The following WDR12 variants were observed in gnomAD, a reference collection of about 807,000 sequenced individuals.
The protein encoded by WDR12 is WD repeat domain 12.
A neutral mutation model predicts 64.3 loss-of-function variants in WDR12; 42 were observed. That is an observed-to-expected ratio of 0.65 (90% CI 0.51 to 0.84). WDR12 has a LOEUF of 0.84. WDR12 is among the 40% of genes least tolerant of loss of function. The probability of loss-of-function intolerance (pLI) is 0.00; values close to 1 mark genes in which losing one functional copy is unlikely to be tolerated. For synonymous variants in WDR12, 158 were observed against 173.3 expected (o/e 0.91, Z 0.70); for missense variants, 469 against 494.6 (o/e 0.95, Z 0.49).
At chr2:202,900,238 A>G (rs1353943363) in intron 3 of WDR12, among the ~76,000 whole-genome samples, 1 of 152,018 alleles carries the variant, frequency 6.6e-6, no homozygotes, top group African/African-American at 2.4e-5. Flanking sequence ...CTGAGGCGCA[A>G]GAATCATTTG....
chr2:202,903,504 T>TGAGGGAGG, intron 2 of WDR12, among the ~76,000 whole-genome samples: 1 of 29,630 alleles, frequency 3.4e-5, no homozygotes, highest in African/African-American at 1.3e-4. Flanking sequence ...AGGAAGGAAG[T>TGAGGGAGG]GAGGGAGGGA....
At chr2:202,891,449 C>T (rs1366371641) in intron 8 of WDR12, among the ~76,000 whole-genome samples, 1 of 152,182 alleles carries the variant, frequency 6.6e-6, no homozygotes, top group African/African-American at 2.4e-5. Flanking sequence ...CACAGTTGGC[C>T]TCCATTTCTA....
intron 8 of WDR12, among the ~76,000 whole-genome samples, chr2:202,891,499 T>C (rs2105906183): frequency 6.6e-6 from 1 of 152,340 alleles, no homozygotes; most frequent in East Asian, 1.9e-4. Context: ...GTTGAGTAAG[T>C]GCCAGATCTT....
chr2:202,896,237 C>T lies in WDR12; in HGVS notation c.455-18G>A. 6.2e-7 allele frequency: 1 copy of T among 1,608,626 alleles called. No homozygotes were observed. Among genetic ancestry groups the T allele is most frequent in the South Asian group, 1.1e-5 (1 of 90,022 alleles). On this transcript the variant is annotated intron_variant, in intron 5 of 12. Coordinates refer to ENST00000261015, the MANE Select transcript of WDR12 (RefSeq NM_018256.4). ...CAAACTATCTGGAGAAAGGAGAACA[C>T]AAGAATAAGAAACAAATCAGTATAC...
Position 202,884,392 on chromosome 2 carries a change from T to TA in WDR12, c.882+2dup. On this transcript the variant is annotated splice_region_variant and intron_variant, in intron 9 of 12. Coordinates refer to ENST00000261015, the MANE Select transcript of WDR12 (RefSeq NM_018256.4). ...ACTTAAAAGAACACTGAATTTGTCT[T>TA]ACCAAAGTTGACTTAAGACTGCCAG... The TA allele has an allele frequency of 1.2e-6, 2 of 1,614,070 alleles. No individual in the cohort carries two copies. The highest frequency in any genetic ancestry group is 8.5e-7 in the Non-Finnish European group (1 of 1,180,014).
At chr2:202,883,577 T>C (rs777796307) in intron 11 of WDR12, 32 bp downstream of exon 11, 4 of 1,595,890 alleles carry the variant, frequency 2.5e-6, no homozygotes, top group African/African-American at 1.3e-5. Context: ...GTAATTGATA[T>C]GTTTCTCTTA....
At chr2:202,881,322 A>C (rs1397407325) in intron 12 of WDR12, among the ~76,000 whole-genome samples, 2 of 152,230 alleles carry the variant, frequency 1.3e-5, no homozygotes, top group African/African-American at 4.8e-5. Context: ...ATTTGGAAAG[A>C]ATTCTTAGGC....
intron 2 of WDR12, among the ~76,000 whole-genome samples, chr2:202,905,974 T>A (rs1430753176): frequency 6.6e-6 from 1 of 152,200 alleles, no homozygotes; most frequent in Non-Finnish European, 1.5e-5. Flanking sequence ...CACAACTGGA[T>A]GACTATAGTC....
intron 5 of WDR12, 127 bp downstream of exon 5, chr2:202,897,173 A>G (rs898577212): frequency 1.8e-6 from 1 of 562,150 alleles, no homozygotes; most frequent in Non-Finnish European, 3.2e-6. Flanking sequence ...GTATTTTTTG[A>G]AAGACCTCAT....
rs1386913578 is a variant in WDR12 at position 202,896,220 on chromosome 2, C to T, written c.455-1G>A. 1.2e-6 allele frequency: 2 copies of T among 1,612,762 alleles called. No individual in the cohort carries two copies. Among genetic ancestry groups the T allele is most frequent in the Non-Finnish European group, 1.7e-6 (2 of 1,179,604 alleles). On this transcript the variant is annotated splice_acceptor_variant, in intron 5 of 12. Coordinates refer to ENST00000261015, the MANE Select transcript of WDR12 (RefSeq NM_018256.4). LOFTEE classifies it high-confidence loss of function. Reference sequence around the variant, plus strand: ...CTCAATAATAAGCAGGACAAACTATCTGGAGAAAGGAGAACACAAGAATAA... The same window carrying T: ...CTCAATAATAAGCAGGACAAACTATTTGGAGAAAGGAGAACACAAGAATAA...
intron 3 of WDR12, among the ~76,000 whole-genome samples, chr2:202,900,251 C>G (rs112436475): frequency 2.1e-4 from 32 of 151,502 alleles, no homozygotes; most frequent in African/African-American, 7.5e-4. Context: ...ATCATTTGTA[C>G]CCAGGAGGTA....
chr2:202,893,355 T>C (rs1329445711), intron 7 of WDR12, among the ~76,000 whole-genome samples: 3 of 152,120 alleles, frequency 2.0e-5, no homozygotes, highest in African/African-American at 7.2e-5. Context: ...TGGATATTAA[T>C]ATTTCTCAAA....
rs1028875907 is a variant in WDR12 at position 202,875,962 on chromosome 2, T to C, written c.*4898A>G. 1.3e-5 allele frequency: 2 copies of C among 152,198 alleles called. No individual in the cohort carries two copies. The highest frequency in any genetic ancestry group is 2.9e-5 in the Non-Finnish European group (2 of 68,032). 9.4% of individuals were successfully genotyped at this position (152,198 alleles called of 1,614,324 possible). ...TAGGATATAGTTTCATTGTTACTTTTATGGACACTGTAAGAAAATAATTTA... is the reference window on the plus strand; with the variant it reads ...TAGGATATAGTTTCATTGTTACTTTCATGGACACTGTAAGAAAATAATTTA... On this transcript the variant is annotated 3_prime_UTR_variant, in exon 13 of 13. Transcript: ENST00000261015.
rs780458602 is a variant in WDR12 at position 202,911,431 on chromosome 2, C to T, written c.41+5G>A. On this transcript the variant is annotated splice_donor_5th_base_variant and intron_variant, in intron 1 of 12. Transcript: ENST00000261015. ...AAGGGAGAGAAGGCTGGAACGCTTA[C>T]TTACTTCTTGTTATCAGTGTAGAAG... The T allele has an allele frequency of 6.2e-7, 1 of 1,614,094 alleles. No individual in the cohort carries two copies. Among genetic ancestry groups the T allele is most frequent in the Admixed American group, 1.7e-5 (1 of 60,018 alleles).
At chr2:202,897,453 GTTTTTCC>G in intron 4 of WDR12, 38 bp from the exon 5 acceptor site, 1 of 1,223,072 alleles carries the variant, frequency 8.2e-7, no homozygotes, top group Non-Finnish European at 1.1e-6. Flanking sequence ...ACAAAAAGCA[GTTTTTCC>G]AAACCCTGAA....
At chr2:202,904,678 G>A (rs1688422560) in intron 2 of WDR12, among the ~76,000 whole-genome samples, 1 of 152,134 alleles carries the variant, frequency 6.6e-6, no homozygotes, top group Non-Finnish European at 1.5e-5. Context: ...AAACAAAAGG[G>A]ATTAAAGACT....
chr2:202,910,857 T>C (rs1028398139), intron 1 of WDR12, among the ~76,000 whole-genome samples: 4 of 151,900 alleles, frequency 2.6e-5, no homozygotes, highest in Non-Finnish European at 5.9e-5. Context: ...ACACGACAAA[T>C]ATTATCATTT....
intron 4 of WDR12, 127 bp from the exon 5 acceptor site, chr2:202,897,542 G>C: frequency 2.1e-6 from 1 of 485,360 alleles, no homozygotes; most frequent in Non-Finnish European, 3.5e-6. Flanking sequence ...TGAAGATTGA[G>C]ATTTCAAGCC....
chr2:202,901,404 A>G (rs753082364), intron 2 of WDR12, among the ~76,000 whole-genome samples: 8 of 152,192 alleles, frequency 5.3e-5, no homozygotes, highest in Non-Finnish European at 1.0e-4. Flanking sequence ...CCACCAACTA[A>G]TGGGACATCA....
Sources: gnomAD v4.1 joint callset for allele counts (sites outside exome capture counted in the v4.1 genomes callset) on GRCh38, gnomAD v4.1.1 for gene constraint, MANE v1.5 for transcripts, NCBI Gene and HGNC (gene_info 2026-07-23, HGNC 2026-07-21) for gene names.